DIP2C: variants seen among roughly 807,000 people sequenced by gnomAD.
DIP2C encodes DIP2 acetate--CoA ligase C (putative).
DIP2C carries 33 observed loss-of-function variants against 192.4 expected under a neutral mutation model. The ratio of observed to expected loss-of-function variants is 0.17; its 90% confidence interval spans 0.13 to 0.23. DIP2C has a LOEUF of 0.23. Among genes scored for constraint, DIP2C ranks in the 10% least tolerant of loss-of-function variants. DIP2C has a pLI of 1.00. For missense variants in DIP2C, 1,537 were observed against 2,110.1 expected (o/e 0.73, Z 5.32); for synonymous variants, 979 against 864.1 (o/e 1.13, Z -2.33).
At chr10:461,297 G>A (rs1258562805) in intron 3 of DIP2C, among the ~76,000 whole-genome samples, 1 of 152,186 alleles carries the variant, frequency 6.6e-6, no homozygotes, top group African/African-American at 2.4e-5. Context: ...CTGTATTCAG[G>A]AGACCTATCT....
At position 685,135 on chromosome 10, in the gene DIP2C, CAAAAAAAAAAAAA is replaced by C. The variant is rs140709069; in HGVS notation, c.85+4346_85+4358del. Reference sequence around the variant, plus strand: ...GGCAACAAGAGTGAAACTTGGTCCCCAAAAAAAAAAAAAAAAAAAAAAAAAAATATATATATAT... The same window carrying C: ...GGCAACAAGAGTGAAACTTGGTCCCCAAAAAAAAAAAAAATATATATATAT... On this transcript the variant is annotated intron_variant, in intron 1 of 36. Transcript: ENST00000280886. 8.8e-4 allele frequency among the ~76,000 whole-genome samples: 64 copies of C among 72,968 alleles called. 2 individuals are homozygous for C. Among genetic ancestry groups the C allele is most frequent in the African/African-American group, 4.2e-3 (59 of 13,894 alleles). The allele number at this position is 72,968 out of a possible 152,430, so 47.9% of individuals were successfully genotyped here. A position where few individuals can be genotyped will look rare whatever the true frequency, so the allele number is the denominator to read the frequency against.
In DIP2C at chr10:369,591, G is replaced by A. The variant is rs1960711890; in HGVS notation, c.2034C>T (p.Leu678=). Reference sequence around the variant, plus strand: ...CCCCATAGGTCAGTCCATGCATGGAGAGGACACCCCGGCCCGGGGGCTGGT... The same window carrying A: ...CCCCATAGGTCAGTCCATGCATGGAAAGGACACCCCGGCCCGGGGGCTGGT... The part of the protein sequence containing the change: ...DSNQPPGRGV[L]SMHGLTYGVI... Residue 678 remains leucine (L), a synonymous_variant, in exon 18 of 37, where the codon CTC becomes CTT. Coordinates refer to ENST00000280886, the MANE Select transcript of DIP2C (RefSeq NM_014974.3). 2 of 1,613,546 alleles carry A rather than the reference G, an allele frequency of 1.2e-6. No individual in the cohort carries two copies. Among genetic ancestry groups the A allele is most frequent in the Non-Finnish European group, 1.7e-6 (2 of 1,179,732 alleles).
chr10:356,595 A>G (rs1375475371), intron 23 of DIP2C, 89 bp from the exon 24 acceptor site: 2 of 1,088,372 alleles, frequency 1.8e-6, no homozygotes, highest in Middle Eastern at 4.2e-4. Context: ...ACTCAAACCC[A>G]TAGAGGCTGA....
At chr10:544,744 T>G (rs1401056965) in intron 1 of DIP2C, among the ~76,000 whole-genome samples, 3 of 152,270 alleles carry the variant, frequency 2.0e-5, no homozygotes, top group Non-Finnish European at 2.9e-5. Context: ...TTGGAGAATG[T>G]CTATTCAAAT....
At chr10:485,575 A>C (rs970385777) in intron 2 of DIP2C, among the ~76,000 whole-genome samples, 4 of 152,224 alleles carry the variant, frequency 2.6e-5, no homozygotes, top group African/African-American at 7.2e-5. Flanking sequence ...CGTTTCCTGC[A>C]GCCTGAGCCT....
intron 1 of DIP2C, among the ~76,000 whole-genome samples, chr10:589,677 GTC>G (rs926756652): frequency 6.6e-6 from 1 of 152,198 alleles, no homozygotes; most frequent in African/African-American, 2.4e-5. Context: ...TTCAGTGGAT[GTC>G]TCTTTGTGAA....
chr10:378,835 G>A (rs1564636523), intron 17 of DIP2C, among the ~76,000 whole-genome samples: 1 of 150,876 alleles, frequency 6.6e-6, no homozygotes, highest in Non-Finnish European at 1.5e-5. Flanking sequence ...GCACAGATGT[G>A]AACAGACATG....
intron 1 of DIP2C, among the ~76,000 whole-genome samples, chr10:497,652 T>A (rs1844932511): frequency 6.6e-6 from 1 of 152,232 alleles, no homozygotes. Flanking sequence ...CCAGAGAAGC[T>A]GAACATGCAG....
rs1296160477 is a variant in DIP2C, at chr10:362,739, C to G, written c.2593-48G>C. 6.5e-6 allele frequency: 10 copies of G among 1,549,866 alleles called. No homozygotes were observed. In the South Asian group the frequency reaches 1.2e-4, roughly 19 times the overall value. Reference sequence around the variant, plus strand: ...ATCATGTTATAAGAGGAAGTATAAACAGTACGTATTTATATTATGCAAAAT... The same window carrying G: ...ATCATGTTATAAGAGGAAGTATAAAGAGTACGTATTTATATTATGCAAAAT... On this transcript the variant is annotated intron_variant, in intron 21 of 36. Coordinates refer to ENST00000280886, the MANE Select transcript of DIP2C (RefSeq NM_014974.3).
At chr10:441,959 TAAAGCAGA>T in intron 3 of DIP2C, among the ~76,000 whole-genome samples, 1 of 66,984 alleles carries the variant, frequency 1.5e-5, no homozygotes, top group Non-Finnish European at 5.2e-5. Context: ...GGTAGAGAAT[TAAAGCAGA>T]GACAGACGCT....
At chr10:573,091 G>C (rs973863712) in intron 1 of DIP2C, among the ~76,000 whole-genome samples, 1 of 152,108 alleles carries the variant, frequency 6.6e-6, no homozygotes, top group Admixed American at 6.5e-5. Context: ...TACAAAGCAC[G>C]TACATTTTAG....
intron 1 of DIP2C, among the ~76,000 whole-genome samples, chr10:535,811 A>G (rs557436373): frequency 8.5e-5 from 13 of 152,354 alleles, no homozygotes; most frequent in Middle Eastern, 3.4e-3. Context: ...TAACTCCAGG[A>G]AATACGACAC....
chr10:522,382 A>C (rs1773483), intron 1 of DIP2C, among the ~76,000 whole-genome samples: 2 of 152,262 alleles, frequency 1.3e-5, no homozygotes, highest in Admixed American at 1.3e-4. Flanking sequence ...TGCTGTCAAC[A>C]TCTGTGTGCA....
chr10:523,489 C>T (rs1325636113), intron 1 of DIP2C, among the ~76,000 whole-genome samples: 1 of 142,958 alleles, frequency 7.0e-6, no homozygotes, highest in Non-Finnish European at 1.5e-5. Flanking sequence ...AGTGAGGATG[C>T]AGGGACTCTG....
chr10:572,923 G>A (rs1234995963), intron 1 of DIP2C, among the ~76,000 whole-genome samples: 5 of 152,180 alleles, frequency 3.3e-5, no homozygotes, highest in African/African-American at 1.2e-4. Flanking sequence ...CTCGCAGAGA[G>A]AGACTTTCAA....
intron 5 of DIP2C, among the ~76,000 whole-genome samples, chr10:421,695 T>A (rs1966193425): frequency 6.6e-6 from 1 of 152,218 alleles, no homozygotes; most frequent in Non-Finnish European, 1.5e-5. Context: ...GTATTTCTAT[T>A]TTCTCCTTTA....
At chr10:537,953 CTAT>C (rs1847784207) in intron 1 of DIP2C, among the ~76,000 whole-genome samples, 1 of 152,066 alleles carries the variant, frequency 6.6e-6, no homozygotes, top group Non-Finnish European at 1.5e-5. Context: ...CCATGCCTGG[CTAT>C]TTTTTGTATT....
chr10:659,363 C>T (rs545215633), intron 1 of DIP2C, among the ~76,000 whole-genome samples: 28 of 152,346 alleles, frequency 1.8e-4, no homozygotes, highest in Non-Finnish European at 3.1e-4. Flanking sequence ...GCAATACACA[C>T]TTTCATACAC....
intron 6 of DIP2C, among the ~76,000 whole-genome samples, chr10:416,281 C>T (rs1965630667): frequency 6.6e-6 from 1 of 152,084 alleles, no homozygotes; most frequent in Admixed American, 6.6e-5. Flanking sequence ...AGCAGTAAGT[C>T]CTTCCCTGCG....
Sources: gnomAD v4.1 joint callset for allele counts (sites outside exome capture counted in the v4.1 genomes callset) on GRCh38, gnomAD v4.1.1 for gene constraint, MANE v1.5 for transcripts, NCBI Gene and HGNC (gene_info 2026-07-23, HGNC 2026-07-21) for gene names.